The following AMMECR1 variants were observed in gnomAD, a reference collection of about 807,000 sequenced individuals.
AMMECR1 encodes the protein AMMECR nuclear protein 1, also known as nuclear protein AMMECR1.
Under a neutral mutation model 22.5 loss-of-function variants are expected in AMMECR1, and 3 were observed. The observed-to-expected ratio is 0.13, with a 90% CI of 0.06 to 0.35. The LOEUF (loss-of-function observed/expected upper bound fraction) is 0.35, where lower values mean the gene tolerates loss of function less well. Ranked by LOEUF, AMMECR1 falls within the 10% of genes least tolerant of loss-of-function variation. The probability of loss-of-function intolerance (pLI) is 1.00; values close to 1 mark genes in which losing one functional copy is unlikely to be tolerated. For missense variants in AMMECR1, 235 were observed against 278.7 expected, an observed-to-expected ratio of 0.84 and a Z score of 1.12; for synonymous variants, 130 against 116.7, an observed-to-expected ratio of 1.11 and a Z score of -0.74.
chrX:110,364,683 G>T (rs2068285543), intron 2 of AMMECR1, among the ~76,000 whole-genome samples: 1 of 111,581 alleles, frequency 9.0e-6, no homozygotes, highest in Non-Finnish European at 1.9e-5. Context: ...CTGATGAATG[G>T]ATCCTGAATA....
At chrX:110,362,636 C>A (rs1046686808) in intron 2 of AMMECR1, among the ~76,000 whole-genome samples, 1 of 111,750 alleles carries the variant, frequency 8.9e-6, no homozygotes, top group African/African-American at 3.2e-5. Flanking sequence ...TCATGTACTC[C>A]TAATGGTAAG....
intron 2 of AMMECR1, among the ~76,000 whole-genome samples, chrX:110,248,245 G>C (rs1459654785): frequency 1.8e-5 from 2 of 110,518 alleles, no homozygotes; most frequent in Admixed American, 9.7e-5. Context: ...ATTTTGCTGG[G>C]TATAGTGGTA....
intron 1 of AMMECR1, among the ~76,000 whole-genome samples, chrX:110,288,078 C>T (rs2067889714): frequency 8.9e-6 from 1 of 111,984 alleles, no homozygotes; most frequent in East Asian, 2.8e-4. Flanking sequence ...AAAGGAGAGA[C>T]ACTTAGCCAG....
intron 1 of AMMECR1, among the ~76,000 whole-genome samples, chrX:110,312,377 G>A (rs939197433): frequency 8.9e-6 from 1 of 112,074 alleles, no homozygotes; most frequent in African/African-American, 3.2e-5. Flanking sequence ...CTCATGCATG[G>A]GTTAACAGAC....
At chrX:110,232,708 G>A (rs1202422951) in intron 2 of AMMECR1, among the ~76,000 whole-genome samples, 5 of 108,809 alleles carry the variant, frequency 4.6e-5, no homozygotes, top group Non-Finnish European at 9.5e-5. Flanking sequence ...GGCTAACACG[G>A]TGAAACCCCA....
At chrX:110,316,221 C>T (rs181096104) in intron 1 of AMMECR1, among the ~76,000 whole-genome samples, 291 of 112,120 alleles carry the variant, frequency 2.6e-3, no homozygotes, top group Non-Finnish European at 3.9e-3. Context: ...TTCCAGGACA[C>T]TTTATTGTAA....
chrX:110,297,273 C>A (rs914744638), intron 1 of AMMECR1, among the ~76,000 whole-genome samples: 5 of 111,914 alleles, frequency 4.5e-5, no homozygotes, highest in Non-Finnish European at 1.9e-5. Flanking sequence ...AAAAGTCAGC[C>A]ACCTCAGGCA....
At chrX:110,301,361 C>A (rs1412929309) in intron 1 of AMMECR1, among the ~76,000 whole-genome samples, 1 of 112,572 alleles carries the variant, frequency 8.9e-6, no homozygotes, top group Non-Finnish European at 1.9e-5. Flanking sequence ...GCCTTCACTT[C>A]CTGCTTGCAC....
intron 2 of AMMECR1, among the ~76,000 whole-genome samples, chrX:110,245,064 T>A (rs770026124): frequency 6.2e-4 from 69 of 111,876 alleles, no homozygotes; most frequent in Non-Finnish European, 1.2e-3. Context: ...AGGGCAATAG[T>A]AAGCATATTA....
intron 2 of AMMECR1, 66 bp from the exon 3 acceptor site, chrX:110,216,698 A>T: frequency 1.4e-6 from 1 of 714,153 alleles, no homozygotes; most frequent in Non-Finnish European, 2.1e-6. Context: ...TCAAATGCAA[A>T]CAATTGTTTG....
chrX:110,316,435 A>G (rs200148319), intron 1 of AMMECR1, among the ~76,000 whole-genome samples: 2 of 111,410 alleles, frequency 1.8e-5, no homozygotes, highest in East Asian at 5.6e-4. Context: ...AGTTTCACTG[A>G]AATTTTTTCT....
chrX:110,287,749 A>C (rs2067887898), intron 1 of AMMECR1, among the ~76,000 whole-genome samples: 1 of 111,937 alleles, frequency 8.9e-6, no homozygotes, highest in African/African-American at 3.2e-5. Context: ...AAGAGACTAA[A>C]AAGAAAGCTA....
At chrX:110,341,802 C>T (rs1332917702) in intron 2 of AMMECR1, among the ~76,000 whole-genome samples, 3 of 112,513 alleles carry the variant, frequency 2.7e-5, no homozygotes, top group African/African-American at 9.7e-5. Flanking sequence ...CGGTGGCTCA[C>T]GCCTGTAATC....
chrX:110,233,734 G>A (rs1034501978), intron 2 of AMMECR1, among the ~76,000 whole-genome samples: 2 of 111,808 alleles, frequency 1.8e-5, no homozygotes, highest in African/African-American at 3.3e-5. Flanking sequence ...CAAAAAACAC[G>A]ATTATCTCAA....
chrX:110,212,698 G>A (rs1219904860), intron 3 of AMMECR1, among the ~76,000 whole-genome samples: 1 of 111,511 alleles, frequency 9.0e-6, no homozygotes, highest in African/African-American at 3.3e-5. Flanking sequence ...GAAAATTCTC[G>A]TGAAGCATAT....
intron 2 of AMMECR1, among the ~76,000 whole-genome samples, chrX:110,365,354 T>C (rs1226962815): frequency 8.9e-6 from 1 of 112,388 alleles, no homozygotes; most frequent in Non-Finnish European, 1.9e-5. Flanking sequence ...TTCCATGACG[T>C]TGAAATACAG....
chrX:110,369,308 G>A (rs2068321096), intron 2 of AMMECR1, among the ~76,000 whole-genome samples: 1 of 111,095 alleles, frequency 9.0e-6, no homozygotes, highest in Admixed American at 9.5e-5. Flanking sequence ...CTACAGCCTG[G>A]GCGACAGAGC....
chrX:110,203,978 C>T (rs1019893663), intron 3 of AMMECR1, among the ~76,000 whole-genome samples: 5 of 111,531 alleles, frequency 4.5e-5, no homozygotes, highest in African/African-American at 1.3e-4. Flanking sequence ...GCTAAAAATG[C>T]GACCAGGGTA....
chrX:110,278,630 A>T (rs2067837677), intron 1 of AMMECR1, among the ~76,000 whole-genome samples: 1 of 112,130 alleles, frequency 8.9e-6, no homozygotes, highest in South Asian at 3.7e-4. Flanking sequence ...CTCCCTAGGA[A>T]GATAAGAAAG....
Sources: allele counts gnomAD v4.1 joint callset (sites outside exome capture counted in the v4.1 genomes callset), GRCh38; gene constraint gnomAD v4.1.1; transcripts MANE v1.5; gene names NCBI Gene and HGNC (gene_info 2026-07-23, HGNC 2026-07-21).